CUL3: variants seen among roughly 807,000 people sequenced by gnomAD.
CUL3 encodes the protein cullin-3.
In CUL3, 19 loss-of-function variants were observed where a neutral mutation model predicts 89.1. The observed-to-expected ratio is 0.21, with a 90% CI of 0.15 to 0.31. The LOEUF (loss-of-function observed/expected upper bound fraction) is 0.31. Among genes scored for constraint, CUL3 ranks in the 10% least tolerant of loss-of-function variants. The pLI is 1.00. For missense variants in CUL3, 469 were observed against 942.3 expected, an observed-to-expected ratio of 0.50 and a Z score of 6.58; for synonymous variants, 351 against 308.4, an observed-to-expected ratio of 1.14 and a Z score of -1.45.
chr2:224,476,447 C>G (rs1262986155), intron 15 of CUL3, among the ~76,000 whole-genome samples: 1 of 152,198 alleles, frequency 6.6e-6, no homozygotes, highest in Non-Finnish European at 1.5e-5. Context: ...GAGCACCATT[C>G]TTCGACAAGT....
intron 2 of CUL3, among the ~76,000 whole-genome samples, chr2:224,549,476 G>A (rs1022148707): frequency 3.3e-5 from 5 of 151,988 alleles, no homozygotes; most frequent in African/African-American, 4.8e-5. Context: ...GGGCTAAAAC[G>A]ACCAACTCCA....
chr2:224,500,440 T>C lies in CUL3; in HGVS notation c.1533A>G (p.Gly511=). The change falls in exon 11 of 16, where the codon GGA becomes GGG. Residue 511 remains glycine, a synonymous_variant. Transcript: ENST00000264414. ...VDLTVRVLTT[G]YWPTQSATPK... ...GTGTGGCTGACTGAGTGGGCCAATATCCTGTCGTGAGCACCCGGACTGTAA... is the reference window on the plus strand; with the variant it reads ...GTGTGGCTGACTGAGTGGGCCAATACCCTGTCGTGAGCACCCGGACTGTAA... The C allele has an allele frequency of 1.2e-6, 2 of 1,614,042 alleles. No homozygotes were observed.
chr2:224,563,294 T>C (rs1174936828), intron 1 of CUL3: 3 of 470,972 alleles, frequency 6.4e-6, no homozygotes, highest in Non-Finnish European at 1.3e-5. Flanking sequence ...CTGAGAACTC[T>C]GTCCTTGGCT....
At chr2:224,530,767 T>A (rs1574662612) in intron 3 of CUL3, among the ~76,000 whole-genome samples, 1 of 151,916 alleles carries the variant, frequency 6.6e-6, no homozygotes, top group East Asian at 2.0e-4. Flanking sequence ...ATTAGCCAGG[T>A]GTGGTGGCAT....
Position 224,485,983 on chromosome 2 carries a change from C to T in CUL3, c.1843-3905G>A, listed in dbSNP as rs1691705824. Among the ~76,000 whole-genome samples, 2 of 152,224 alleles carry T rather than the reference C, an allele frequency of 1.3e-5. No homozygotes were observed. Among genetic ancestry groups the T allele is most frequent in the South Asian group, 4.1e-4 (2 of 4,832 alleles). ...GTAGGTGAACAGGGTCTGGAGTGGACCTCCAGCAAACTGCAGCAGACCTGC... is the reference window on the plus strand; with the variant it reads ...GTAGGTGAACAGGGTCTGGAGTGGATCTCCAGCAAACTGCAGCAGACCTGC... On this transcript the variant is annotated intron_variant, in intron 13 of 15. Coordinates refer to ENST00000264414, the MANE Select transcript of CUL3 (RefSeq NM_003590.5). The surrounding 1 kb of genome is among the most constrained non-coding windows in gnomAD (Gnocchi z 4.1).
intron 1 of CUL3, among the ~76,000 whole-genome samples, chr2:224,581,992 T>A (rs1309604179): frequency 1.3e-5 from 2 of 151,902 alleles, no homozygotes; most frequent in African/African-American, 4.8e-5. Flanking sequence ...GAGACAGAGT[T>A]TCGCTTTTGT....
At chr2:224,578,467 ATTT>A (rs955899990) in intron 1 of CUL3, among the ~76,000 whole-genome samples, 14 of 151,932 alleles carry the variant, frequency 9.2e-5, no homozygotes, top group Non-Finnish European at 2.1e-4. Flanking sequence ...ATTACAGGTG[ATTT>A]TTTTTATTTC....
chr2:224,515,358 G>A (rs986600055), intron 3 of CUL3, among the ~76,000 whole-genome samples: 1 of 152,176 alleles, frequency 6.6e-6, no homozygotes, highest in Non-Finnish European at 1.5e-5. Context: ...ATAAAGCACA[G>A]ATAATCCAGA....
At chr2:224,581,823 G>GA (rs1695447266) in intron 1 of CUL3, among the ~76,000 whole-genome samples, 1 of 151,854 alleles carries the variant, frequency 6.6e-6, no homozygotes, top group Non-Finnish European at 1.5e-5. Context: ...CCGGCCGAGT[G>GA]CTTGACACTT....
At chr2:224,507,879 A>C (rs1692661026) in intron 6 of CUL3, among the ~76,000 whole-genome samples, 1 of 152,206 alleles carries the variant, frequency 6.6e-6, no homozygotes, top group African/African-American at 2.4e-5. Context: ...ATAACTTTTT[A>C]AAATGGCATT....
Position 224,473,969 on chromosome 2 carries a change from G to T in CUL3, c.*276C>A. On this transcript the variant is annotated 3_prime_UTR_variant, in exon 16 of 16. Coordinates refer to ENST00000264414, the MANE Select transcript of CUL3 (RefSeq NM_003590.5). ...TTCTAAATTTCTCTTTTATTTTCCTGTTTTCATACAGTAAAGAAAACAAAA... is the reference window on the plus strand; with the variant it reads ...TTCTAAATTTCTCTTTTATTTTCCTTTTTTCATACAGTAAAGAAAACAAAA... 3.6e-6 allele frequency: 1 copy of T among 280,016 alleles called. No individual in the cohort carries two copies. Among genetic ancestry groups the T allele is most frequent in the East Asian group, 5.3e-5 (1 of 18,794 alleles). 17.3% of individuals were successfully genotyped at this position (280,016 alleles called of 1,614,324 possible).
chr2:224,480,826 A>G (rs1347894801), intron 14 of CUL3, among the ~76,000 whole-genome samples: 3 of 152,164 alleles, frequency 2.0e-5, no homozygotes, highest in Admixed American at 6.6e-5. Flanking sequence ...TTATTCCATG[A>G]CACTGGCTAG....
At chr2:224,481,830 G>C (rs2106150849) in intron 14 of CUL3, 62 bp downstream of exon 14, 3 of 1,187,098 alleles carry the variant, frequency 2.5e-6, no homozygotes, top group Non-Finnish European at 3.4e-6. Flanking sequence ...CAATAGATGA[G>C]ATTTTTTTTC....
intron 2 of CUL3, among the ~76,000 whole-genome samples, chr2:224,553,678 A>T (rs1228617162): frequency 6.6e-6 from 1 of 152,198 alleles, no homozygotes; most frequent in African/African-American, 2.4e-5. Flanking sequence ...TGGAACCATT[A>T]TAAGATACAT....
Position 224,485,317 on chromosome 2 carries a change from C to T in CUL3, c.1843-3239G>A, listed in dbSNP as rs1691676030. On this transcript the variant is annotated intron_variant, in intron 13 of 15. Coordinates refer to ENST00000264414, the MANE Select transcript of CUL3 (RefSeq NM_003590.5). The surrounding 1 kb of genome is among the most constrained non-coding windows in gnomAD (Gnocchi z 4.1). ...GGCTGAAGCCAGGGAGCCAAGTGGT[C>T]TTACTCAGTGGGTCCCACCCCGACA... 1.3e-5 allele frequency: 2 copies of T among 152,340 alleles called. No homozygotes were observed. Among genetic ancestry groups the T allele is most frequent in the South Asian group, 4.1e-4 (2 of 4,824 alleles). 9.4% of individuals were successfully genotyped at this position (152,340 alleles called of 1,614,324 possible).
chr2:224,477,602 G>A (rs768752485), intron 15 of CUL3, among the ~76,000 whole-genome samples: 29 of 152,256 alleles, frequency 1.9e-4, no homozygotes, highest in Middle Eastern at 3.4e-3. Context: ...GGACCACAGC[G>A]GCACATTACA....
chr2:224,525,246 G>A (rs1693428795), intron 3 of CUL3, among the ~76,000 whole-genome samples: 1 of 152,186 alleles, frequency 6.6e-6, no homozygotes, highest in Admixed American at 6.5e-5. Flanking sequence ...AGAGCACAGT[G>A]GTGAAGACCA....
chr2:224,511,268 A>C, intron 6 of CUL3, 86 bp downstream of exon 6: 4 of 932,862 alleles, frequency 4.3e-6, no homozygotes, highest in Non-Finnish European at 6.5e-6. Flanking sequence ...GAAAGCTGAT[A>C]TTATCTGCTT....
At chr2:224,556,739 A>T (rs1694721575) in intron 2 of CUL3, among the ~76,000 whole-genome samples, 2 of 152,174 alleles carry the variant, frequency 1.3e-5, no homozygotes, top group South Asian at 4.1e-4. Flanking sequence ...CTTTATTCTT[A>T]AAAGAAATGT....
Sources: allele counts gnomAD v4.1 joint callset (sites outside exome capture counted in the v4.1 genomes callset), GRCh38; gene constraint gnomAD v4.1.1; non-coding constraint Gnocchi (gnomAD v3.1); transcripts MANE v1.5; gene names NCBI Gene and HGNC (gene_info 2026-07-23, HGNC 2026-07-21).